The following FAM167A variants were observed in gnomAD, a reference collection of about 807,000 sequenced individuals.
FAM167A encodes the protein protein FAM167A.
A neutral mutation model predicts 14.9 loss-of-function variants in FAM167A; 23 were observed. The ratio of observed to expected loss-of-function variants is 1.55; its 90% CI spans 1.11 to 2.19. FAM167A has a LOEUF of 2.19. FAM167A is among the 30% of genes most tolerant of loss of function. The pLI is 0.00. For synonymous variants in FAM167A, 174 were observed against 117.7 expected, an observed-to-expected ratio of 1.48 and a Z score of -3.10; for missense variants, 401 against 281.5, an observed-to-expected ratio of 1.42 and a Z score of -3.04.
intron 1 of FAM167A, among the ~76,000 whole-genome samples, chr8:11,459,366 T>G (rs778056385): frequency 6.6e-6 from 1 of 152,244 alleles, no homozygotes; most frequent in Non-Finnish European, 1.5e-5. Flanking sequence ...TGCACAGAAG[T>G]AACAGGCATG....
At chr8:11,443,257 G>A (rs1806546251) in intron 2 of FAM167A, among the ~76,000 whole-genome samples, 1 of 152,094 alleles carries the variant, frequency 6.6e-6, no homozygotes, top group South Asian at 2.1e-4. Flanking sequence ...ACCCAGCTCT[G>A]CCCCCCCACC....
At chr8:11,456,652 G>A (rs1807325416) in intron 1 of FAM167A, among the ~76,000 whole-genome samples, 1 of 151,648 alleles carries the variant, frequency 6.6e-6, no homozygotes, top group Non-Finnish European at 1.5e-5. Flanking sequence ...GCTCTATTGG[G>A]TGTGTGCTCT....
chr8:11,447,183 C>CTTTTCTTTTTTTTT (rs146992974), intron 1 of FAM167A, among the ~76,000 whole-genome samples: 5 of 147,012 alleles, frequency 3.4e-5, no homozygotes, highest in African/African-American at 2.5e-5. Flanking sequence ...GGTTTCTTTT[C>CTTTTCTTTTTTTTT]TTTTTCTTTT....
chr8:11,454,625 T>C (rs933078584), intron 1 of FAM167A, among the ~76,000 whole-genome samples: 4 of 152,242 alleles, frequency 2.6e-5, no homozygotes, highest in Non-Finnish European at 5.9e-5. Flanking sequence ...GCAAAGCTCA[T>C]GCCTGCATCT....
At chr8:11,438,517 C>G (rs1385952858) in intron 2 of FAM167A, 1 of 456,962 alleles carries the variant, frequency 2.2e-6, no homozygotes, top group Non-Finnish European at 4.4e-6. Context: ...GGTGCTAGCA[C>G]TTTTGCTTCT....
intron 1 of FAM167A, among the ~76,000 whole-genome samples, chr8:11,449,647 C>T (rs970075556): frequency 1.3e-4 from 20 of 152,226 alleles, no homozygotes; most frequent in Non-Finnish European, 5.9e-5. Flanking sequence ...AGGCACGCCC[C>T]GCCAGGCAGG....
At chr8:11,446,569 C>G (rs188510848) in intron 1 of FAM167A, 13 of 152,320 alleles carry the variant, frequency 8.5e-5, no homozygotes, top group African/African-American at 3.1e-4. Flanking sequence ...GAGTTGGGAT[C>G]AGATGGCCTA....
chr8:11,461,808 T>C (rs1219329596), intron 1 of FAM167A, among the ~76,000 whole-genome samples: 1 of 152,278 alleles, frequency 6.6e-6, no homozygotes, highest in East Asian at 1.9e-4. Context: ...TCTATTTTAC[T>C]CTGCAGCACA....
At chr8:11,434,800 A>C (rs1805884544) in intron 2 of FAM167A, 1 of 343,030 alleles carries the variant, frequency 2.9e-6, no homozygotes, top group South Asian at 2.3e-5. Context: ...CAGAGAGAGG[A>C]TGCTGATCAC....
At chr8:11,445,833 T>G (rs1291911377) in intron 1 of FAM167A, among the ~76,000 whole-genome samples, 2 of 145,800 alleles carry the variant, frequency 1.4e-5, no homozygotes, top group African/African-American at 5.1e-5. Context: ...AAAAAAAAAA[T>G]CTGTGCTGGG....
exon 1 of FAM167A, among the ~76,000 whole-genome samples, chr8:11,475,903 G>C (rs980485460): frequency 3.1e-4 from 47 of 152,178 alleles, no homozygotes; most frequent in African/African-American, 1.1e-3. Context: ...CCTCCCAGTA[G>C]ACTACGAGTC....
At chr8:11,467,572 G>A (rs972594996), upstream of FAM167A, 1 of 152,374 alleles carries the variant, frequency 6.6e-6, no homozygotes, top group Admixed American at 6.5e-5. Flanking sequence ...GTCTTTCAAA[G>A]GGCTCCAGTC....
intron 1 of FAM167A, among the ~76,000 whole-genome samples, chr8:11,460,248 G>C (rs1807486311): frequency 6.6e-6 from 1 of 152,248 alleles, no homozygotes; most frequent in Non-Finnish European, 1.5e-5. Flanking sequence ...CCTGCCTGGG[G>C]TCCCAGCATT....
intron 2 of FAM167A, among the ~76,000 whole-genome samples, chr8:11,443,397 C>T (rs902289755): frequency 3.3e-5 from 5 of 152,224 alleles, no homozygotes; most frequent in African/African-American, 9.6e-5. Context: ...CACCTGGCCC[C>T]GCCCTGACTT....
chr8:11,456,310 C>T (rs911678695), intron 1 of FAM167A, among the ~76,000 whole-genome samples: 1 of 138,526 alleles, frequency 7.2e-6, no homozygotes, highest in Non-Finnish European at 1.5e-5. Flanking sequence ...GAGGTGGTTG[C>T]CCTGCTGGGT....
intron 1 of FAM167A, among the ~76,000 whole-genome samples, chr8:11,451,435 G>A (rs992802777): frequency 5.9e-5 from 9 of 152,232 alleles, no homozygotes; most frequent in Non-Finnish European, 1.2e-4. Context: ...GACACAGCAC[G>A]CACTGGAGAA....
chr8:11,432,581 G>A (rs999394693), intron 2 of FAM167A, among the ~76,000 whole-genome samples: 12 of 152,210 alleles, frequency 7.9e-5, no homozygotes, highest in African/African-American at 1.7e-4. Context: ...TGCTGGAGAG[G>A]ATGTGCAGAA....
intron 2 of FAM167A, among the ~76,000 whole-genome samples, chr8:11,439,580 A>G (rs1342675110): frequency 6.6e-6 from 1 of 152,086 alleles, no homozygotes; most frequent in African/African-American, 2.4e-5. Flanking sequence ...CTCTCTCTCT[A>G]ACAGCCATAA....
chr8:11,473,027 C>G (rs567402126), intron 1 of FAM167A, among the ~76,000 whole-genome samples: 1 of 152,352 alleles, frequency 6.6e-6, no homozygotes, highest in East Asian at 1.9e-4. Flanking sequence ...AGGCGGCACC[C>G]CCATCCTGGG....
Sources: gnomAD v4.1 joint callset for allele counts (sites outside exome capture counted in the v4.1 genomes callset) on GRCh38, gnomAD v4.1.1 for gene constraint, MANE v1.5 for transcripts, NCBI Gene and HGNC (gene_info 2026-07-23, HGNC 2026-07-21) for gene names.